The following PAFAH1B2 variants were observed in gnomAD, a reference collection of about 807,000 sequenced individuals.
PAFAH1B2 encodes platelet activating factor acetylhydrolase 1b catalytic subunit 2, also known as platelet-activating factor acetylhydrolase IB subunit alpha2.
PAFAH1B2 carries 8 observed loss-of-function variants against 28.0 expected under a neutral mutation model. The observed-to-expected ratio is 0.29, with a 90% CI of 0.17 to 0.52. The LOEUF (loss-of-function observed/expected upper bound fraction) is 0.52, where lower values mean the gene tolerates loss of function less well. Ranked by LOEUF, PAFAH1B2 falls within the 20% of genes least tolerant of loss-of-function variation. PAFAH1B2 has a pLI of 0.97. For missense variants in PAFAH1B2, 190 were observed against 282.6 expected (o/e 0.67, Z 2.35); for synonymous variants, 104 against 103.2 (o/e 1.01, Z -0.05).
intron 5 of PAFAH1B2, among the ~76,000 whole-genome samples, chr11:117,166,753 G>T (rs546930464): frequency 6.6e-6 from 1 of 152,270 alleles, no homozygotes; most frequent in South Asian, 2.1e-4. Context: ...TATGGTGTGG[G>T]TTCCATGTGG....
chr11:117,174,340 C>A (rs971751082), downstream of PAFAH1B2, among the ~76,000 whole-genome samples: 1 of 151,852 alleles, frequency 6.6e-6, no homozygotes, highest in African/African-American at 2.4e-5. Flanking sequence ...CCTGCCACCA[C>A]ACCCAGCTAA....
chr11:117,152,293 A>G (rs1398635839), intron 1 of PAFAH1B2, 148 bp from the exon 2 acceptor site: 1 of 611,732 alleles, frequency 1.6e-6, no homozygotes, highest in East Asian at 2.7e-5. Context: ...CTCTACAGAA[A>G]GTAATTGTTT....
At chr11:117,175,718 A>G, downstream of PAFAH1B2, 1 of 1,140,920 alleles carries the variant, frequency 8.8e-7, no homozygotes, top group Non-Finnish European at 1.2e-6. Context: ...ATTAAGTGTG[A>G]AGTAGGACTC....
At chr11:117,162,607 A>G (rs1450428877) in intron 4 of PAFAH1B2, among the ~76,000 whole-genome samples, 1 of 141,064 alleles carries the variant, frequency 7.1e-6, no homozygotes, top group African/African-American at 2.7e-5. Context: ...TCTAGATTTA[A>G]AAAAAAAAAA....
chr11:117,178,077 T>G (rs995718594), downstream of PAFAH1B2, among the ~76,000 whole-genome samples: 13 of 152,240 alleles, frequency 8.5e-5, no homozygotes, highest in African/African-American at 3.1e-4. Context: ...AATTACTGGA[T>G]CAAAGGGTAT....
intron 2 of PAFAH1B2, among the ~76,000 whole-genome samples, chr11:117,155,866 A>G (rs1270661268): frequency 6.6e-6 from 1 of 152,078 alleles, no homozygotes; most frequent in Non-Finnish European, 1.5e-5. Context: ...CACCCCCCAA[A>G]ATAGCAAACA....
chr11:117,171,791 T>G (rs143672473), downstream of PAFAH1B2: 29 of 1,447,398 alleles, frequency 2.0e-5, no homozygotes, highest in African/African-American at 3.4e-4. Context: ...GCTAAAAGTT[T>G]CTGTGATCTT....
At chr11:117,175,537 C>T (rs2029929753), downstream of PAFAH1B2, 1 of 1,102,466 alleles carries the variant, frequency 9.1e-7, no homozygotes, top group Non-Finnish European at 1.1e-6. Context: ...TCAGAGTTTG[C>T]TTGGATGGAT....
At position 117,168,498 on chromosome 11, in the gene PAFAH1B2, A is replaced by G. The variant is rs1591754940; in HGVS notation, c.*799A>G. On this transcript the variant is annotated 3_prime_UTR_variant, in exon 6 of 6. Transcript: ENST00000527958. The stretch of plus-strand genomic sequence containing the variant: ...GTTCTTGTTGACATTACAAGCTTTT[A>G]ACACATTTTTGACCTAGGAGCCCTG... The G allele has an allele frequency of 4.6e-6, 4 of 874,506 alleles. No individual in the cohort carries two copies. In the South Asian group the frequency reaches 2.3e-4, roughly 51 times the overall value. The allele number at this position is 874,506 out of a possible 1,614,324, so 54.2% of individuals were successfully genotyped here.
chr11:117,150,989 G>GAAA (rs373735449), intron 1 of PAFAH1B2, among the ~76,000 whole-genome samples: 1 of 98,190 alleles, frequency 1.0e-5, no homozygotes, highest in East Asian at 3.0e-4. Context: ...CTCCATCTCA[G>GAAA]AAAAAAAAAA....
chr11:117,157,710 T>G (rs1244542668), intron 2 of PAFAH1B2, among the ~76,000 whole-genome samples: 3 of 152,152 alleles, frequency 2.0e-5, no homozygotes, highest in Non-Finnish European at 4.4e-5. Context: ...GAGGGTCACT[T>G]GAGCCCAGGA....
At chr11:117,158,377 A>G (rs957969362) in intron 2 of PAFAH1B2, among the ~76,000 whole-genome samples, 1 of 151,534 alleles carries the variant, frequency 6.6e-6, no homozygotes, top group African/African-American at 2.4e-5. Context: ...GTGCCTTTAT[A>G]ACAGAAAGAG....
At chr11:117,144,704 C>T (rs1955952425) in intron 1 of PAFAH1B2, among the ~76,000 whole-genome samples, 1 of 152,126 alleles carries the variant, frequency 6.6e-6, no homozygotes, top group South Asian at 2.1e-4. Flanking sequence ...GCCGGCGCCT[C>T]CACGGCCTTT....
rs1001203363 is a variant in PAFAH1B2 at position 117,168,671 on chromosome 11, A to G, written c.*972A>G. On this transcript the variant is annotated 3_prime_UTR_variant, in exon 6 of 6. Transcript: ENST00000527958. Reference sequence around the variant, plus strand: ...TGTTTTTCCCTTAAAACCTGTTAACAGTTTTTTTTGGGGGTGGGGGGATTC... The same window carrying G: ...TGTTTTTCCCTTAAAACCTGTTAACGGTTTTTTTTGGGGGTGGGGGGATTC... The G allele has an allele frequency of 1.4e-5, 15 of 1,053,010 alleles. No homozygotes were observed. Among genetic ancestry groups the G allele is most frequent in the Non-Finnish European group, 1.6e-5 (14 of 870,570 alleles). 65.2% of individuals were successfully genotyped at this position (1,053,010 alleles called of 1,614,324 possible).
At position 117,170,425 on chromosome 11, in the gene PAFAH1B2, G is replaced by A; in HGVS notation, c.*2726G>A. The A allele has an allele frequency of 7.6e-6, 8 of 1,059,388 alleles. No individual in the cohort carries two copies. The highest frequency in any genetic ancestry group is 1.7e-5 in the African/African-American group (1 of 60,260). The allele number at this position is 1,059,388 out of a possible 1,614,324, so 65.6% of individuals were successfully genotyped here. Reference sequence around the variant, plus strand: ...ATGTTGAATGTGGCAGCTTGAAGATGTACTGCCACGGGTGATCTAGGGCAG... The same window carrying A: ...ATGTTGAATGTGGCAGCTTGAAGATATACTGCCACGGGTGATCTAGGGCAG... On this transcript the variant is annotated 3_prime_UTR_variant, in exon 6 of 6. Coordinates refer to ENST00000527958, the MANE Select transcript of PAFAH1B2 (RefSeq NM_002572.4).
downstream of PAFAH1B2, among the ~76,000 whole-genome samples, chr11:117,177,768 T>G (rs2030065784): frequency 6.6e-6 from 1 of 152,238 alleles, no homozygotes; most frequent in Non-Finnish European, 1.5e-5. Context: ...ACTCCTGACC[T>G]CAAGTGATCT....
At chr11:117,152,809 A>G (rs1956181667) in intron 2 of PAFAH1B2, among the ~76,000 whole-genome samples, 1 of 152,248 alleles carries the variant, frequency 6.6e-6, no homozygotes, top group Admixed American at 6.5e-5. Context: ...ATGGTGGCTC[A>G]CGCCTATAAT....
chr11:117,152,666 CTTCAGCCTCCCAT>C (rs1956178413), intron 2 of PAFAH1B2, 138 bp downstream of exon 2: 1 of 652,726 alleles, frequency 1.5e-6, no homozygotes, highest in South Asian at 1.8e-5. Flanking sequence ...GATCCTCCCA[CTTCAGCCTCCCAT>C]ATAGCTGGGA....
chr11:117,156,305 A>G (rs1956253908), intron 2 of PAFAH1B2, among the ~76,000 whole-genome samples: 1 of 152,236 alleles, frequency 6.6e-6, no homozygotes, highest in Non-Finnish European at 1.5e-5. Flanking sequence ...TCAAGTACCT[A>G]GTGGGTGCCA....
Sources: gnomAD v4.1 joint callset for allele counts (sites outside exome capture counted in the v4.1 genomes callset) on GRCh38, gnomAD v4.1.1 for gene constraint, MANE v1.5 for transcripts, NCBI Gene and HGNC (gene_info 2026-07-23, HGNC 2026-07-21) for gene names.